WDR59: variants seen among roughly 807,000 people sequenced by gnomAD.
WDR59 encodes WD repeat domain 59.
In WDR59, 100 loss-of-function variants were observed where a neutral mutation model predicts 131.2. The observed-to-expected ratio is 0.76, with a 90% CI of 0.65 to 0.90. The LOEUF (loss-of-function observed/expected upper bound fraction) is 0.90. Ranked by LOEUF, WDR59 falls within the 40% of genes least tolerant of loss-of-function variation. WDR59 has a pLI of 0.00. For missense variants in WDR59, 1,203 were observed against 1,262.2 expected (o/e 0.95, Z 0.71); for synonymous variants, 601 against 466.2 (o/e 1.29, Z -3.72).
At chr16:74,974,327 G>C (rs78003885) in intron 1 of WDR59, among the ~76,000 whole-genome samples, 2 of 152,114 alleles carry the variant, frequency 1.3e-5, no homozygotes, top group Non-Finnish European at 2.9e-5. Context: ...CAGGGCAGAG[G>C]AGAGGGCTAT....
At chr16:74,937,041 T>C (rs2031855398) in intron 8 of WDR59, among the ~76,000 whole-genome samples, 1 of 152,138 alleles carries the variant, frequency 6.6e-6, no homozygotes, top group Admixed American at 6.5e-5. Context: ...AAGCATTAAA[T>C]AAATGACACT....
intron 25 of WDR59, 152 bp downstream of exon 25, chr16:74,885,501 C>A (rs1195047507): frequency 1.8e-6 from 1 of 549,372 alleles, no homozygotes; most frequent in South Asian, 4.0e-5. Flanking sequence ...AATGCAAGGG[C>A]TTTTCAGATG....
rs1433398305 is a variant in WDR59 at position 74,984,988 on chromosome 16, C to G, written c.30G>C (p.Val10=). ...CCTGGGAGTCACGGAACTCTACAAC[C>G]ACGTTTTCGCTGCTCCATCGCGCCG... MAARWSSEN[V]VVEFRDSQAT... is the part of the protein sequence containing the mutation. The change falls in exon 1 of 26, where the codon GTG becomes GTC. Residue 10 remains valine, a synonymous_variant. Transcript: ENST00000262144. The G allele has an allele frequency of 2.5e-6, 4 of 1,599,732 alleles. No homozygotes were observed. The highest frequency in any genetic ancestry group is 3.4e-6 in the Non-Finnish European group (4 of 1,173,374).
intron 18 of WDR59, among the ~76,000 whole-genome samples, chr16:74,903,578 C>T (rs1229739574): frequency 6.6e-6 from 1 of 152,090 alleles, no homozygotes; most frequent in Non-Finnish European, 1.5e-5. Context: ...TCCCAAGACT[C>T]CAGAGGCATT....
At chr16:74,935,121 G>C (rs1321769014) in intron 8 of WDR59, among the ~76,000 whole-genome samples, 1 of 151,916 alleles carries the variant, frequency 6.6e-6, no homozygotes, top group Non-Finnish European at 1.5e-5. Context: ...CCCAGCTACT[G>C]AGGGAGGCTG....
chr16:74,899,889 G>A (rs1965466138), intron 18 of WDR59: 2 of 643,070 alleles, frequency 3.1e-6, no homozygotes, highest in Admixed American at 3.3e-5. Context: ...CTGTACAGTT[G>A]GGATGGGAAC....
chr16:74,903,915 T>C (rs1334174213), intron 18 of WDR59, 32 bp downstream of exon 18: 5 of 1,585,962 alleles, frequency 3.2e-6, no homozygotes, highest in Non-Finnish European at 4.3e-6. Flanking sequence ...GGAGAAGGGG[T>C]AAGAATCAAA....
intron 1 of WDR59, among the ~76,000 whole-genome samples, chr16:74,975,620 T>C (rs1313490768): frequency 6.8e-6 from 1 of 147,076 alleles, no homozygotes; most frequent in African/African-American, 2.5e-5. Flanking sequence ...GCCGAGATCA[T>C]GCCACTGCAC....
intron 1 of WDR59, among the ~76,000 whole-genome samples, chr16:74,967,919 C>G (rs995115083): frequency 1.3e-5 from 2 of 149,474 alleles, no homozygotes; most frequent in African/African-American, 2.5e-5. Flanking sequence ...AATGGAGGAA[C>G]AGATAAACAA....
chr16:74,874,779 C>T (rs914122695), intron 25 of WDR59, among the ~76,000 whole-genome samples: 7 of 152,192 alleles, frequency 4.6e-5, no homozygotes, highest in African/African-American at 1.2e-4. Context: ...TTAGTAGAGA[C>T]GGGGTTTCGC....
At chr16:74,965,168 T>C (rs1169379844) in intron 2 of WDR59, among the ~76,000 whole-genome samples, 2 of 152,184 alleles carry the variant, frequency 1.3e-5, no homozygotes, top group African/African-American at 4.8e-5. Flanking sequence ...GCTTCGCAAG[T>C]AGCTGGGACT....
At chr16:74,891,644 T>C (rs1965047563) in intron 20 of WDR59, among the ~76,000 whole-genome samples, 1 of 152,160 alleles carries the variant, frequency 6.6e-6, no homozygotes, top group Admixed American at 6.5e-5. Context: ...ACAAAAAGAC[T>C]GGGTGTGGTG....
At chr16:74,944,392 G>T (rs2032452749) in intron 6 of WDR59, among the ~76,000 whole-genome samples, 1 of 151,344 alleles carries the variant, frequency 6.6e-6, no homozygotes, top group Non-Finnish European at 1.5e-5. Flanking sequence ...CTTGAACCTA[G>T]TAGGGGGAGG....
chr16:74,963,196 T>A (rs1417800217), intron 2 of WDR59: 1 of 152,016 alleles, frequency 6.6e-6, no homozygotes, highest in Non-Finnish European at 1.5e-5. Flanking sequence ...GAGGTTGTAG[T>A]GAGCAGAGAT....
Position 74,887,750 on chromosome 16 carries a change from G to C in WDR59, c.2352C>G (p.Ser784Arg), listed in dbSNP as rs1964837615. The change falls in exon 23 of 26, where the codon AGC becomes AGG. Residue 784 changes from serine to arginine, a missense_variant. Coordinates refer to ENST00000262144, the MANE Select transcript of WDR59 (RefSeq NM_030581.4). ...NLVVSHSRYP[S>R]FTSSGSCSSM... ...TGGAGCAGGAACCAGAAGAGGTAAA[G>C]CTAGGCTACAGAAGGGAAGAGAAGA... 1 of 1,613,992 alleles carries C rather than the reference G, an allele frequency of 6.2e-7. No individual in the cohort carries two copies. Among genetic ancestry groups the C allele is most frequent in the Non-Finnish European group, 8.5e-7 (1 of 1,179,942 alleles).
At chr16:74,896,712 T>C (rs1758055920) in intron 18 of WDR59, among the ~76,000 whole-genome samples, 2 of 152,064 alleles carry the variant, frequency 1.3e-5, no homozygotes, top group Admixed American at 6.5e-5. Flanking sequence ...AAGATTCATA[T>C]GCCCAAAGCA....
In WDR59 at chr16:74,949,628, G is replaced by T. The variant is rs971019424; in HGVS notation, c.407+90C>A. The T allele has an allele frequency of 1.7e-5, 19 of 1,141,430 alleles. No individual in the cohort carries two copies. In the Admixed American group the frequency reaches 3.7e-4, roughly 22 times the overall value. 70.7% of individuals were successfully genotyped at this position (1,141,430 alleles called of 1,614,324 possible). ...TCAAACTTGTCTCGAGGTCTGTATC[G>T]AGGGGAAACCAAACTAAGACACTTG... On this transcript the variant is annotated intron_variant, in intron 5 of 25. Transcript: ENST00000262144.
chr16:74,909,750 A>G lies in WDR59; in HGVS notation c.1485+72T>C, dbSNP rs1372650991. On this transcript the variant is annotated intron_variant, in intron 15 of 25. Coordinates refer to ENST00000262144, the MANE Select transcript of WDR59 (RefSeq NM_030581.4). The stretch of plus-strand genomic sequence containing the variant: ...CCAGTATGACAAAACCAGAAAACCC[A>G]TGATTTTAGGGAGAAAGAAATGAAA... The G allele has an allele frequency of 2.5e-6, 4 of 1,574,218 alleles. No homozygotes were observed. The Admixed American group carries it at 5.8e-5, about 23-fold the overall frequency.
At position 74,922,054 on chromosome 16, in the gene WDR59, TCC is replaced by T; in HGVS notation, c.777_778del (p.Glu260LysfsTer10). On this transcript the variant is annotated frameshift_variant, in exon 10 of 26. Coordinates refer to ENST00000262144, the MANE Select transcript of WDR59 (RefSeq NM_030581.4). LOFTEE classifies it high-confidence loss of function. ...GACATTCCACAGGAGAAGGCTGTTT[TCC>T]CTCCGCAGCTGGGGAACCATCACAG... 6.2e-7 allele frequency: 1 copy of T among 1,614,176 alleles called. No homozygotes were observed. Among genetic ancestry groups the T allele is most frequent in the Non-Finnish European group, 8.5e-7 (1 of 1,180,028 alleles).
Sources: allele counts gnomAD v4.1 joint callset (sites outside exome capture counted in the v4.1 genomes callset), GRCh38; gene constraint gnomAD v4.1.1; transcripts MANE v1.5; gene names NCBI Gene and HGNC (gene_info 2026-07-23, HGNC 2026-07-21).